The following ANKRD31 variants were observed in gnomAD, a reference collection of about 807,000 sequenced individuals.
The protein encoded by ANKRD31 is ankyrin repeat domain-containing protein 31.
Under a neutral mutation model 186.0 loss-of-function variants are expected in ANKRD31, and 147 were observed. The observed-to-expected ratio is 0.79, with a 90% confidence interval of 0.69 to 0.91. The LOEUF is 0.91. Among genes scored for constraint, ANKRD31 ranks in the 40% least tolerant of loss-of-function variants. The probability of loss-of-function intolerance (pLI) is 0.00; values close to 1 mark genes in which losing one functional copy is unlikely to be tolerated. For synonymous variants in ANKRD31, 673 were observed against 736.4 expected, an observed-to-expected ratio of 0.91 and a Z score of 1.39; for missense variants, 1,986 against 2,148.8, an observed-to-expected ratio of 0.92 and a Z score of 1.50.
At chr5:75,107,357 A>C (rs1747407752) in intron 21 of ANKRD31, among the ~76,000 whole-genome samples, 164 bp downstream of exon 21, 1 of 152,020 alleles carries the variant, frequency 6.6e-6, no homozygotes, top group Admixed American at 6.6e-5. Flanking sequence ...CTTTCTGGGA[A>C]GTATAATTTT....
intron 2 of ANKRD31, among the ~76,000 whole-genome samples, chr5:75,226,985 G>C (rs1430312727): frequency 2.7e-5 from 4 of 147,798 alleles, no homozygotes; most frequent in Non-Finnish European, 6.0e-5. Context: ...CACTCCCACG[G>C]TTTTTTTTTT....
At chr5:75,187,126 G>T (rs1057231073) in intron 10 of ANKRD31, among the ~76,000 whole-genome samples, 4 of 150,966 alleles carry the variant, frequency 2.6e-5, no homozygotes, top group Non-Finnish European at 5.9e-5. Context: ...GTGTGTGTGT[G>T]TGTGTGTGTG....
At chr5:75,229,864 C>CAAAAAAAA (rs1210080751) in intron 2 of ANKRD31, among the ~76,000 whole-genome samples, 9 of 37,818 alleles carry the variant, frequency 2.4e-4, no homozygotes, top group Non-Finnish European at 3.4e-4. Flanking sequence ...GACTCTGTCT[C>CAAAAAAAA]AAAAAAAAAA....
At chr5:75,149,325 A>C (rs1484577975) in intron 12 of ANKRD31, among the ~76,000 whole-genome samples, 1 of 151,906 alleles carries the variant, frequency 6.6e-6, no homozygotes, top group Non-Finnish European at 1.5e-5. Flanking sequence ...ATGAATGAAC[A>C]TCTTGTATGT....
At chr5:75,191,503 G>C (rs774401468) in intron 9 of ANKRD31, among the ~76,000 whole-genome samples, 34 of 151,798 alleles carry the variant, frequency 2.2e-4, no homozygotes, top group Non-Finnish European at 4.4e-4. Flanking sequence ...ACTTTTCTAG[G>C]TGATATTTAG....
At chr5:75,182,283 C>G (rs1754374148) in intron 10 of ANKRD31, among the ~76,000 whole-genome samples, 1 of 152,042 alleles carries the variant, frequency 6.6e-6, no homozygotes, top group Non-Finnish European at 1.5e-5. Flanking sequence ...ATCACAGGTC[C>G]CAGTTAGATG....
intron 22 of ANKRD31, among the ~76,000 whole-genome samples, chr5:75,094,702 G>A (rs535776216): frequency 6.6e-6 from 1 of 152,184 alleles, no homozygotes; most frequent in Admixed American, 6.5e-5. Flanking sequence ...AATATGAAAT[G>A]TCAATGGGTT....
intron 4 of ANKRD31, 139 bp downstream of exon 4, chr5:75,210,689 A>G: frequency 1.8e-6 from 1 of 559,340 alleles, no homozygotes; most frequent in Non-Finnish European, 2.9e-6. Flanking sequence ...GTAAAATAAC[A>G]TATACTTTTG....
At chr5:75,083,982 A>C (rs936142934) in intron 24 of ANKRD31, among the ~76,000 whole-genome samples, 6 of 152,224 alleles carry the variant, frequency 3.9e-5, no homozygotes, top group African/African-American at 1.4e-4. Flanking sequence ...CAGATAGCAG[A>C]CTGGTGGTTT....
At chr5:75,139,503 T>C (rs1750847065) in intron 15 of ANKRD31, among the ~76,000 whole-genome samples, 1 of 152,172 alleles carries the variant, frequency 6.6e-6, no homozygotes, top group Admixed American at 6.6e-5. Context: ...TTAGACAGAC[T>C]TAAGTTGGAA....
intron 17 of ANKRD31, among the ~76,000 whole-genome samples, chr5:75,123,271 C>T (rs189828819): frequency 6.6e-6 from 1 of 151,886 alleles, no homozygotes; most frequent in Admixed American, 6.6e-5. Flanking sequence ...AAATACAACA[C>T]GGATGAAAGA....
intron 10 of ANKRD31, among the ~76,000 whole-genome samples, chr5:75,175,330 T>C (rs1461878756): frequency 1.3e-5 from 2 of 152,104 alleles, no homozygotes; most frequent in East Asian, 1.9e-4. Flanking sequence ...TGTATACCTA[T>C]GTAACAAACC....
intron 22 of ANKRD31, among the ~76,000 whole-genome samples, chr5:75,095,585 T>A (rs1746258034): frequency 6.6e-6 from 1 of 152,128 alleles, no homozygotes; most frequent in Non-Finnish European, 1.5e-5. Context: ...AGGATGTGAA[T>A]CATCCTTTTG....
rs967612143 is a variant in ANKRD31, at chr5:75,192,768, T to C, written c.1307A>G (p.Asp436Gly). ...NSSAQNFRMQDPALMIDGKEK... is the reference protein window; with the variant it reads ...NSSAQNFRMQGPALMIDGKEK... The stretch of plus-strand genomic sequence containing the variant: ...TTTACCATCAATCATTAAAGCCGGA[T>C]CCTGCATTCTTGAAAAACAACGTAT... Residue 436 changes from aspartate (D) to glycine (G), a missense_variant, in exon 9 of 26, where the codon GAT becomes GGT. By Grantham distance (94) the Asp-to-Gly change is moderately conservative. Transcript: ENST00000506364. The C allele has an allele frequency of 1.5e-4, 227 of 1,530,448 alleles. 1 individual carries two copies. In the East Asian group the frequency reaches 5.4e-3, roughly 37 times the overall value. The allele number at this position is 1,530,448 out of a possible 1,614,324, so 94.8% of individuals were successfully genotyped here.
intron 2 of ANKRD31, among the ~76,000 whole-genome samples, chr5:75,229,512 A>G (rs1757816474): frequency 6.6e-6 from 1 of 152,116 alleles, no homozygotes; most frequent in African/African-American, 2.4e-5. Context: ...AAATTAAGGA[A>G]CAAGACAGGA....
chr5:75,091,637 A>G (rs1745932657), intron 22 of ANKRD31, among the ~76,000 whole-genome samples: 1 of 152,176 alleles, frequency 6.6e-6, no homozygotes, highest in African/African-American at 2.4e-5. Context: ...TGGTATTTGA[A>G]CCAAGACTGC....
At chr5:75,145,167 G>T (rs1301900922) in intron 14 of ANKRD31, among the ~76,000 whole-genome samples, 1 of 152,104 alleles carries the variant, frequency 6.6e-6, no homozygotes, top group Non-Finnish European at 1.5e-5. Flanking sequence ...AACCATTATG[G>T]AAGACAGTAC....
intron 3 of ANKRD31, among the ~76,000 whole-genome samples, chr5:75,211,980 C>A (rs1461242863): frequency 1.3e-5 from 2 of 152,054 alleles, no homozygotes; most frequent in African/African-American, 4.8e-5. Context: ...TTTTAATTTT[C>A]ATGTAATCTA....
In ANKRD31 at chr5:75,091,318, C is replaced by T; in HGVS notation, c.5415G>A (p.Trp1805Ter). 1.3e-6 allele frequency: 2 copies of T among 1,537,072 alleles called. No individual in the cohort carries two copies. Among genetic ancestry groups the T allele is most frequent in the Non-Finnish European group, 1.7e-6 (2 of 1,146,840 alleles). ...SGQIYKNPVT[W>*]LKDLLGGNSY... ...TGTTGCCTCCCAGAAGATCCTTGAG[C>T]CAGGTGACTGGGTTTTTATAAATCT... The change falls in exon 23 of 26, where the codon TGG (tryptophan) becomes TGA (stop). Residue 1805 changes from tryptophan (W) to a stop codon, truncating the protein, a stop_gained. Transcript: ENST00000506364. LOFTEE classifies it high-confidence loss of function.
Sources: gnomAD v4.1 joint callset for allele counts (sites outside exome capture counted in the v4.1 genomes callset) on GRCh38, gnomAD v4.1.1 for gene constraint, MANE v1.5 for transcripts, NCBI Gene and HGNC (gene_info 2026-07-23, HGNC 2026-07-21) for gene names.